LARGE1: variants seen among roughly 807,000 people sequenced by gnomAD.
LARGE1 encodes the protein xylosyl- and glucuronyltransferase LARGE1.
Under a neutral mutation model 87.6 loss-of-function variants are expected in LARGE1, and 43 were observed. The observed-to-expected ratio is 0.49, with a 90% CI of 0.38 to 0.63. The LOEUF (loss-of-function observed/expected upper bound fraction) is 0.63, where lower values mean the gene tolerates loss of function less well. Among genes scored for constraint, LARGE1 ranks in the 30% least tolerant of loss-of-function variants. LARGE1 has a pLI of 0.00. For synonymous variants in LARGE1, 434 were observed against 394.6 expected, an observed-to-expected ratio of 1.10 and a Z score of -1.18; for missense variants, 802 against 1,000.2, an observed-to-expected ratio of 0.80 and a Z score of 2.67.
intron 11 of LARGE1, among the ~76,000 whole-genome samples, chr22:33,202,944 C>G (rs1924470217): frequency 6.6e-6 from 1 of 152,132 alleles, no homozygotes; most frequent in East Asian, 1.9e-4. Flanking sequence ...CTTGTCCACC[C>G]TTTGCTAGTG....
intron 9 of LARGE1, among the ~76,000 whole-genome samples, chr22:33,347,515 C>T (rs1939898545): frequency 6.6e-6 from 1 of 152,224 alleles, no homozygotes; most frequent in Admixed American, 6.5e-5. Flanking sequence ...TTCCCCTTTT[C>T]TTTGTCTAAG....
At chr22:33,369,457 G>GT (rs1447412900) in intron 9 of LARGE1, among the ~76,000 whole-genome samples, 3 of 143,106 alleles carry the variant, frequency 2.1e-5, no homozygotes, top group South Asian at 2.1e-4. Context: ...CTATTTTCTT[G>GT]GTTTTTTTTT....
the LARGE1 span, among the ~76,000 whole-genome samples, chr22:33,141,056 C>T: frequency 2.6e-5 from 4 of 151,964 alleles, no homozygotes; most frequent in African/African-American, 4.8e-5. Flanking sequence ...CTCTTCATGC[C>T]GCCATCCTGG....
chr22:33,330,469 T>C (rs1405725776), intron 10 of LARGE1, among the ~76,000 whole-genome samples: 1 of 152,132 alleles, frequency 6.6e-6, no homozygotes, highest in African/African-American at 2.4e-5. Context: ...ATTATAGGCA[T>C]GAGCTACCGC....
chr22:33,546,483 C>A (rs527688507), intron 6 of LARGE1, among the ~76,000 whole-genome samples: 1 of 152,290 alleles, frequency 6.6e-6, no homozygotes, highest in Non-Finnish European at 1.5e-5. Flanking sequence ...GGCACATGCC[C>A]CCTTTTCTCT....
At chr22:33,570,876 T>G (rs2078178879) in intron 5 of LARGE1, among the ~76,000 whole-genome samples, 2 of 151,870 alleles carry the variant, frequency 1.3e-5, no homozygotes, top group Admixed American at 1.3e-4. Flanking sequence ...AGGAACTTCT[T>G]ACATCATGGG....
chr22:33,462,125 T>C (rs889029752), intron 6 of LARGE1, among the ~76,000 whole-genome samples: 1 of 152,208 alleles, frequency 6.6e-6, no homozygotes, highest in Non-Finnish European at 1.5e-5. Flanking sequence ...AGAAAACTGT[T>C]AAAAATGACC....
intron 1 of LARGE1, among the ~76,000 whole-genome samples, chr22:33,821,727 G>A (rs886793221): frequency 8.3e-6 from 1 of 120,388 alleles, no homozygotes; most frequent in African/African-American, 4.0e-5. Context: ...AGAAAGGTGT[G>A]TGCATGTATA....
intron 7 of LARGE1, among the ~76,000 whole-genome samples, chr22:33,422,668 C>T (rs2066734283): frequency 6.6e-6 from 1 of 152,110 alleles, no homozygotes; most frequent in Non-Finnish European, 1.5e-5. Context: ...TGCCACCACG[C>T]CTGGCTAATT....
chr22:33,401,432 C>G (rs1274335006), intron 7 of LARGE1, among the ~76,000 whole-genome samples: 2 of 152,048 alleles, frequency 1.3e-5, no homozygotes, highest in Admixed American at 6.6e-5. Flanking sequence ...TGTGAAGCAT[C>G]TAGCCAGATT....
intron 5 of LARGE1, among the ~76,000 whole-genome samples, chr22:33,585,208 G>A (rs2078636797): frequency 6.6e-6 from 1 of 152,160 alleles, no homozygotes; most frequent in Non-Finnish European, 1.5e-5. Context: ...AATTATTCCT[G>A]CTTCTGAGAT....
chr22:33,760,969 ACACCAC>A (rs548599952), intron 2 of LARGE1, among the ~76,000 whole-genome samples: 2 of 151,620 alleles, frequency 1.3e-5, no homozygotes, highest in East Asian at 2.0e-4. Context: ...CAAACAAAAA[ACACCAC>A]CACCACCACC....
chr22:33,441,071 CTTTTT>C (rs35976426), intron 6 of LARGE1, among the ~76,000 whole-genome samples: 4 of 98,524 alleles, frequency 4.1e-5, no homozygotes, highest in Admixed American at 2.6e-4. Flanking sequence ...TTTGTTTGAA[CTTTTT>C]TTTTTTTTTT....
chr22:33,335,580 A>C (rs553869551), intron 10 of LARGE1, among the ~76,000 whole-genome samples: 5 of 152,326 alleles, frequency 3.3e-5, no homozygotes, highest in Admixed American at 3.3e-4. Context: ...AAACAGCAGC[A>C]ACAACAATAA....
intron 2 of LARGE1, among the ~76,000 whole-genome samples, chr22:33,714,785 T>C (rs2082861999): frequency 6.6e-6 from 1 of 152,208 alleles, no homozygotes; most frequent in Non-Finnish European, 1.5e-5. Context: ...AACCCCACTC[T>C]GCTCCATGTA....
intron 2 of LARGE1, among the ~76,000 whole-genome samples, chr22:33,695,196 C>T (rs1360540688): frequency 4.0e-5 from 6 of 151,666 alleles, no homozygotes; most frequent in Non-Finnish European, 8.8e-5. Context: ...CTCTGCCTCC[C>T]GGGTTCAAGT....
At chr22:33,347,171 A>G (rs916014806) in intron 9 of LARGE1, among the ~76,000 whole-genome samples, 2 of 152,152 alleles carry the variant, frequency 1.3e-5, no homozygotes, top group Non-Finnish European at 2.9e-5. Context: ...CTAACATAAC[A>G]CCCTAGGCAA....
chr22:33,208,001 G>A (rs1924770339), intron 11 of LARGE1, among the ~76,000 whole-genome samples: 1 of 152,168 alleles, frequency 6.6e-6, no homozygotes. Flanking sequence ...GAGAGGGTAT[G>A]GATGAGTGTT....
chr22:33,260,361 G>T (rs1435866949), intron 11 of LARGE1, among the ~76,000 whole-genome samples: 1 of 152,162 alleles, frequency 6.6e-6, no homozygotes, highest in Non-Finnish European at 1.5e-5. Flanking sequence ...TCTTTCATTT[G>T]CTTCTGAGAA....
Sources: gnomAD v4.1 joint callset for allele counts (sites outside exome capture counted in the v4.1 genomes callset) on GRCh38, gnomAD v4.1.1 for gene constraint, MANE v1.5 for transcripts, NCBI Gene and HGNC (gene_info 2026-07-23, HGNC 2026-07-21) for gene names.